Variants in LARGE1 observed in about 807,000 individuals in gnomAD.
LARGE1 encodes the protein LARGE xylosyl- and glucuronyltransferase 1, also known as xylosyl- and glucuronyltransferase LARGE1.
A neutral mutation model predicts 87.6 loss-of-function variants in LARGE1; 43 were observed. The observed-to-expected ratio is 0.49, with a 90% confidence interval of 0.38 to 0.63. The LOEUF (loss-of-function observed/expected upper bound fraction) is 0.63. Ranked by LOEUF, LARGE1 falls within the 30% of genes least tolerant of loss-of-function variation. The pLI is 0.00. For synonymous variants in LARGE1, 434 were observed against 394.6 expected (o/e 1.10, Z -1.18); for missense variants, 802 against 1,000.2 (o/e 0.80, Z 2.67).
chr22:33,406,251 C>T (rs897140140), intron 7 of LARGE1, among the ~76,000 whole-genome samples: 7 of 152,156 alleles, frequency 4.6e-5, no homozygotes, highest in African/African-American at 1.7e-4. Flanking sequence ...TGCCTGGCCA[C>T]ACCCATTCCA....
intron 2 of LARGE1, among the ~76,000 whole-genome samples, chr22:33,741,999 CTG>C (rs1005464615): frequency 1.3e-5 from 2 of 152,302 alleles, no homozygotes; most frequent in African/African-American, 4.8e-5. Flanking sequence ...CACCAACCGG[CTG>C]TGTTTCTGCA....
rs140702738 is a variant in LARGE1, at chr22:33,786,145, G to A, written c.-82-24587C>T. ...TACATTGTCTTTTGGGCATAAGTAG[G>A]GCACAGTATTCAGGTGCTGGGAAGA... On this transcript the variant is annotated intron_variant, in intron 1 of 14. Transcript: ENST00000397394. 2.6e-3 allele frequency among the ~76,000 whole-genome samples: 392 copies of A among 152,112 alleles called. 9 individuals are homozygous for A. The highest frequency in any genetic ancestry group is 0.02 in the Admixed American group (310 of 15,280).
chr22:33,427,988 C>T (rs1258743014), intron 7 of LARGE1, among the ~76,000 whole-genome samples: 1 of 152,020 alleles, frequency 6.6e-6, no homozygotes, highest in Non-Finnish European at 1.5e-5. Flanking sequence ...CATTTTTTTT[C>T]CTAATGTGAT....
intron 11 of LARGE1, among the ~76,000 whole-genome samples, chr22:33,210,703 C>T (rs1924917686): frequency 6.6e-6 from 1 of 152,264 alleles, no homozygotes; most frequent in Non-Finnish European, 1.5e-5. Flanking sequence ...AAGCACTGGG[C>T]GCTCACACGC....
At chr22:33,582,658 A>G (rs1294010548) in intron 5 of LARGE1, among the ~76,000 whole-genome samples, 2 of 152,176 alleles carry the variant, frequency 1.3e-5, no homozygotes, top group African/African-American at 4.8e-5. Context: ...CTGGTCACCC[A>G]GCAGGTACGC....
At chr22:33,168,850 G>C (rs1200050160) in intron 11 of LARGE1, among the ~76,000 whole-genome samples, 1 of 152,176 alleles carries the variant, frequency 6.6e-6, no homozygotes, top group Non-Finnish European at 1.5e-5. Context: ...GAAGAAGACT[G>C]TTTTACAAGA....
At chr22:33,494,204 G>A (rs1224604598) in intron 6 of LARGE1, among the ~76,000 whole-genome samples, 1 of 152,216 alleles carries the variant, frequency 6.6e-6, no homozygotes, top group Non-Finnish European at 1.5e-5. Flanking sequence ...AAGCCAAAAA[G>A]CCCTGGCTGT....
intron 11 of LARGE1, among the ~76,000 whole-genome samples, chr22:33,315,700 G>A (rs1936077486): frequency 1.3e-5 from 2 of 152,000 alleles, no homozygotes; most frequent in Non-Finnish European, 2.9e-5. Flanking sequence ...CACGATCTTG[G>A]CTCACTGCAA....
At chr22:33,772,501 G>A (rs2085101799) in intron 1 of LARGE1, among the ~76,000 whole-genome samples, 1 of 151,784 alleles carries the variant, frequency 6.6e-6, no homozygotes, top group Non-Finnish European at 1.5e-5. Flanking sequence ...CATGCCTCAG[G>A]GTCTTTGCAA....
chr22:33,838,378 C>A (rs1326260166), intron 1 of LARGE1, among the ~76,000 whole-genome samples: 1 of 152,166 alleles, frequency 6.6e-6, no homozygotes, highest in Non-Finnish European at 1.5e-5. Context: ...GTGGCTCATG[C>A]CTGTATTCCC....
intron 6 of LARGE1, among the ~76,000 whole-genome samples, chr22:33,486,375 T>C (rs1323532983): frequency 3.3e-5 from 5 of 152,184 alleles, no homozygotes; most frequent in African/African-American, 9.7e-5. Flanking sequence ...GTGCAGGACT[T>C]GACAGTTTAC....
chr22:33,483,496 A>G (rs2148221210), intron 6 of LARGE1, among the ~76,000 whole-genome samples: 1 of 152,244 alleles, frequency 6.6e-6, no homozygotes, highest in Middle Eastern at 3.4e-3. Flanking sequence ...ATAGGGACAG[A>G]AAGGACAGAG....
At chr22:33,223,387 C>A (rs570736052) in intron 11 of LARGE1, among the ~76,000 whole-genome samples, 1 of 152,180 alleles carries the variant, frequency 6.6e-6, no homozygotes, top group Non-Finnish European at 1.5e-5. Context: ...TTGCTATAGG[C>A]ACCTTTTCTT....
At chr22:33,522,607 T>A (rs2071665310) in intron 6 of LARGE1, among the ~76,000 whole-genome samples, 1 of 151,848 alleles carries the variant, frequency 6.6e-6, no homozygotes, top group Non-Finnish European at 1.5e-5. Flanking sequence ...CCAAGGTGGG[T>A]GGATCATGAG....
At chr22:33,491,816 C>T (rs1440361109) in intron 6 of LARGE1, among the ~76,000 whole-genome samples, 1 of 152,100 alleles carries the variant, frequency 6.6e-6, no homozygotes, top group East Asian at 1.9e-4. Flanking sequence ...CTGTCAAACT[C>T]AAACAGAAAA....
At chr22:33,690,554 C>T (rs533318543) in intron 2 of LARGE1, among the ~76,000 whole-genome samples, 125 of 151,132 alleles carry the variant, frequency 8.3e-4, no homozygotes, top group Non-Finnish European at 1.6e-3. Context: ...CTACTAGAGA[C>T]CTGGGGAAAA....
At chr22:33,593,819 T>C (rs2078908712) in intron 5 of LARGE1, among the ~76,000 whole-genome samples, 1 of 152,236 alleles carries the variant, frequency 6.6e-6, no homozygotes, top group Non-Finnish European at 1.5e-5. Flanking sequence ...TGGTTCTATT[T>C]TGCTTTTCAG....
intron 6 of LARGE1, among the ~76,000 whole-genome samples, chr22:33,547,457 C>G (rs1027599926): frequency 6.6e-6 from 1 of 152,124 alleles, no homozygotes; most frequent in Non-Finnish European, 1.5e-5. Context: ...CAGACCACAC[C>G]GGTCTGGCGC....
In LARGE1 at chr22:33,537,707, C is replaced by G. The variant is rs372170486; in HGVS notation, c.787+27141G>C. Among the ~76,000 whole-genome samples, 43 of 152,280 alleles carry G rather than the reference C, an allele frequency of 2.8e-4. No individual in the cohort carries two copies. In the South Asian group the frequency reaches 7.5e-3, roughly 26 times the overall value. On this transcript the variant is annotated intron_variant, in intron 6 of 14. Transcript: ENST00000397394. ...TCAGCCTCCCAAGTAGCCGGGACTA[C>G]AGGCACATGCCACCATGCCCAGCAA...
Sources: allele counts gnomAD v4.1 joint callset (sites outside exome capture counted in the v4.1 genomes callset), GRCh38; gene constraint gnomAD v4.1.1; transcripts MANE v1.5; gene names NCBI Gene and HGNC (gene_info 2026-07-23, HGNC 2026-07-21).